RPAP2: variants seen among roughly 807,000 people sequenced by gnomAD.
RPAP2 encodes RNA polymerase II associated protein 2.
Under a neutral mutation model 73.1 loss-of-function variants are expected in RPAP2, and 52 were observed. The observed-to-expected ratio is 0.71, with a 90% CI of 0.57 to 0.90. The LOEUF (loss-of-function observed/expected upper bound fraction) is 0.90. Ranked by LOEUF, RPAP2 falls within the 40% of genes least tolerant of loss-of-function variation. RPAP2 has a pLI of 0.00. For missense variants in RPAP2, 598 were observed against 701.8 expected (o/e 0.85, Z 1.67); for synonymous variants, 225 against 242.1 (o/e 0.93, Z 0.65).
In RPAP2 at chr1:92,399,458, G is replaced by A. The variant is rs1412914762; in HGVS notation, c.*12447G>A. 6.6e-6 allele frequency: 1 copy of A among 152,132 alleles called. No homozygotes were observed. Among genetic ancestry groups the A allele is most frequent in the Non-Finnish European group, 1.5e-5 (1 of 68,036 alleles). The allele number at this position is 152,132 out of a possible 1,614,324, so 9.4% of individuals were successfully genotyped here. A position where few individuals can be genotyped will look rare whatever the true frequency, so the allele number is the denominator to read the frequency against. Reference sequence around the variant, plus strand: ...AGAGCAATAAAATGAAGTTTTAACAGTGAAAACTTCTATCACTTAGATAAG... The same window carrying A: ...AGAGCAATAAAATGAAGTTTTAACAATGAAAACTTCTATCACTTAGATAAG... On this transcript the variant is annotated 3_prime_UTR_variant, in exon 13 of 13. Coordinates refer to ENST00000610020, the MANE Select transcript of RPAP2 (RefSeq NM_024813.3).
intron 2 of RPAP2, among the ~76,000 whole-genome samples, chr1:92,300,924 TAAAC>T (rs1031666175): frequency 3.4e-4 from 52 of 152,284 alleles, no homozygotes; most frequent in African/African-American, 1.2e-3. Context: ...TTAATTAACA[TAAAC>T]AAATACATAA....
rs1028133866 is a variant in RPAP2 at position 92,397,343 on chromosome 1, T to C, written c.*10332T>C. 3 of 151,952 alleles carry C rather than the reference T, an allele frequency of 2.0e-5. No homozygotes were observed. Among genetic ancestry groups the C allele is most frequent in the East Asian group, 1.9e-4 (1 of 5,166 alleles). 9.4% of individuals were successfully genotyped at this position (151,952 alleles called of 1,614,324 possible). ...AGGCAGAGGTTGTAGGGAGCCAAGA[T>C]TGCACCACTGCACTCCAGCCTGGGT... On this transcript the variant is annotated 3_prime_UTR_variant, in exon 13 of 13. Transcript: ENST00000610020.
intron 10 of RPAP2, among the ~76,000 whole-genome samples, chr1:92,344,396 C>A (rs1488573460): frequency 6.6e-6 from 1 of 152,116 alleles, no homozygotes; most frequent in African/African-American, 2.4e-5. Context: ...CAGAGCAAGA[C>A]TCTGTCTAAA....
chr1:92,360,335 T>C (rs567319351), intron 11 of RPAP2, among the ~76,000 whole-genome samples: 78 of 152,262 alleles, frequency 5.1e-4, no homozygotes, highest in African/African-American at 1.8e-3. Context: ...TACAGAATGA[T>C]AGGAGTGGAG....
intron 8 of RPAP2, among the ~76,000 whole-genome samples, chr1:92,327,477 A>G (rs536871770): frequency 1.3e-5 from 2 of 152,280 alleles, no homozygotes; most frequent in South Asian, 4.1e-4. Flanking sequence ...AAGAATAGCT[A>G]CTTCTCACTT....
intron 11 of RPAP2, among the ~76,000 whole-genome samples, chr1:92,350,726 A>G (rs1342393411): frequency 6.6e-6 from 1 of 152,150 alleles, no homozygotes; most frequent in Non-Finnish European, 1.5e-5. Context: ...GATCAGTTGA[A>G]GTCAGGACCA....
At chr1:92,316,928 G>A (rs1651939278) in intron 6 of RPAP2, among the ~76,000 whole-genome samples, 1 of 152,106 alleles carries the variant, frequency 6.6e-6, no homozygotes, top group South Asian at 2.1e-4. Context: ...AGGTATTTAA[G>A]GTTCCTTTAA....
At chr1:92,359,025 C>A (rs1010086069) in intron 11 of RPAP2, among the ~76,000 whole-genome samples, 3 of 152,216 alleles carry the variant, frequency 2.0e-5, no homozygotes, top group African/African-American at 7.2e-5. Flanking sequence ...CAGTGCTTCT[C>A]ATTAATCCTT....
At chr1:92,311,570 T>G (rs951786771) in intron 6 of RPAP2, among the ~76,000 whole-genome samples, 2 of 152,206 alleles carry the variant, frequency 1.3e-5, no homozygotes, top group Non-Finnish European at 2.9e-5. Flanking sequence ...CAATTTGAAC[T>G]TGGCATCACT....
intron 11 of RPAP2, among the ~76,000 whole-genome samples, chr1:92,351,788 A>G (rs1654233583): frequency 6.6e-6 from 1 of 152,230 alleles, no homozygotes; most frequent in Admixed American, 6.5e-5. Context: ...CCTATGTGCC[A>G]GAAGTGGGAA....
chr1:92,347,787 T>C (rs1422344779), intron 11 of RPAP2, among the ~76,000 whole-genome samples: 2 of 152,246 alleles, frequency 1.3e-5, no homozygotes, highest in South Asian at 2.1e-4. Context: ...ACTTTGGATA[T>C]AATGTAGGGA....
At chr1:92,357,960 CCT>C (rs1654561127) in intron 11 of RPAP2, among the ~76,000 whole-genome samples, 1 of 152,058 alleles carries the variant, frequency 6.6e-6, no homozygotes, top group Admixed American at 6.5e-5. Flanking sequence ...AGGATCTCGC[CCT>C]GTTGCCTAGG....
At chr1:92,330,960 A>G (rs962505787) in intron 8 of RPAP2, among the ~76,000 whole-genome samples, 6 of 152,176 alleles carry the variant, frequency 3.9e-5, no homozygotes, top group African/African-American at 1.4e-4. Context: ...CCAGAAGATG[A>G]GCATGCACAT....
chr1:92,368,004 G>A (rs894456560), intron 11 of RPAP2, among the ~76,000 whole-genome samples: 2 of 152,162 alleles, frequency 1.3e-5, no homozygotes, highest in African/African-American at 2.4e-5. Context: ...ATCTTCACAC[G>A]TATCACCTAG....
rs1054074616 is a variant in RPAP2 at position 92,349,035 on chromosome 1, T to C, written c.1688+3121T>C. 7.2e-5 allele frequency among the ~76,000 whole-genome samples: 11 copies of C among 152,236 alleles called. 1 individual carries two copies. The East Asian group carries it at 2.1e-3, about 29-fold the overall frequency. On this transcript the variant is annotated intron_variant, in intron 11 of 12. Transcript: ENST00000610020. ...GGAGAAGTAACCCCACCTTTCAGCC[T>C]TTTAGCTTATTGCCACTAACATTGA... is the stretch of plus-strand genomic sequence containing the variant.
chr1:92,341,512 C>G (rs1185236216), intron 10 of RPAP2, among the ~76,000 whole-genome samples: 1 of 152,094 alleles, frequency 6.6e-6, no homozygotes, highest in Non-Finnish European at 1.5e-5. Flanking sequence ...AAAGCAAAAC[C>G]TCTTATTTGT....
At chr1:92,313,630 T>TA (rs1182208877) in intron 6 of RPAP2, among the ~76,000 whole-genome samples, 1 of 152,140 alleles carries the variant, frequency 6.6e-6, no homozygotes, top group Non-Finnish European at 1.5e-5. Flanking sequence ...GGCTTCAACT[T>TA]AAAGTTACCA....
intron 6 of RPAP2, among the ~76,000 whole-genome samples, chr1:92,312,128 C>T (rs1267464387): frequency 6.6e-6 from 1 of 152,058 alleles, no homozygotes; most frequent in Non-Finnish European, 1.5e-5. Context: ...AATTGGAGTC[C>T]GGCCAGGAGC....
chr1:92,370,593 G>A (rs74101133), intron 11 of RPAP2, among the ~76,000 whole-genome samples: 3,591 of 152,170 alleles, frequency 0.024, 99 homozygotes, highest in African/African-American at 0.066. Context: ...ACATAGAAGT[G>A]TAGAATCTCC....
Sources: allele counts gnomAD v4.1 joint callset (sites outside exome capture counted in the v4.1 genomes callset), GRCh38; gene constraint gnomAD v4.1.1; transcripts MANE v1.5; gene names NCBI Gene and HGNC (gene_info 2026-07-23, HGNC 2026-07-21).